Variants in DNAJC8 observed in about 807,000 individuals in gnomAD.
DNAJC8 encodes dnaJ homolog subfamily C member 8.
Under a neutral mutation model 43.2 loss-of-function variants are expected in DNAJC8, and 24 were observed. That is an observed-to-expected ratio of 0.56 (90% CI 0.40 to 0.78). The LOEUF is 0.78. DNAJC8 is among the 30% of genes least tolerant of loss of function. The pLI is 0.00. For synonymous variants in DNAJC8, 83 were observed against 98.0 expected (o/e 0.85, Z 0.90); for missense variants, 207 against 299.4 (o/e 0.69, Z 2.28).
intron 2 of DNAJC8, among the ~76,000 whole-genome samples, chr1:28,218,059 G>C (rs551467877): frequency 6.6e-6 from 1 of 151,200 alleles, no homozygotes; most frequent in Non-Finnish European, 1.5e-5. Flanking sequence ...AATTTTATTA[G>C]AGGCTTTTTT....
chr1:28,226,515 G>C (rs1227037512), intron 2 of DNAJC8, among the ~76,000 whole-genome samples: 1 of 145,826 alleles, frequency 6.9e-6, no homozygotes, highest in Non-Finnish European at 1.5e-5. Context: ...AAAAATTTTA[G>C]AAAGAAATAA....
chr1:28,210,276 A>C (rs1340024254), intron 4 of DNAJC8: 9 of 585,898 alleles, frequency 1.5e-5, no homozygotes, highest in African/African-American at 3.7e-5. Flanking sequence ...TCAAGGCTAA[A>C]TACACTACAT....
chr1:28,209,956 C>G lies in DNAJC8; in HGVS notation c.399+16G>C. ...CTGATACTTCCTGTAAACACAGCAG[C>G]ACTATAAATACTTACAGTGTGTTCC... On this transcript the variant is annotated intron_variant, in intron 5 of 8. Coordinates refer to ENST00000263697, the MANE Select transcript of DNAJC8 (RefSeq NM_014280.3). The G allele has an allele frequency of 6.2e-7, 1 of 1,610,312 alleles. No homozygotes were observed.
At chr1:28,217,087 T>C (rs1293217567) in intron 2 of DNAJC8, among the ~76,000 whole-genome samples, 2 of 151,864 alleles carry the variant, frequency 1.3e-5, no homozygotes, top group Non-Finnish European at 2.9e-5. Context: ...GAATTACAGG[T>C]GTGAGCCACC....
intron 8 of DNAJC8, 125 bp from the exon 9 acceptor site, chr1:28,201,495 T>G: frequency 5.5e-6 from 8 of 1,443,516 alleles, no homozygotes; most frequent in Non-Finnish European, 7.5e-6. Context: ...AACCCAAGAG[T>G]AGAATAGAGC....
intron 2 of DNAJC8, among the ~76,000 whole-genome samples, chr1:28,225,129 C>T (rs1646925516): frequency 6.6e-6 from 1 of 151,052 alleles, no homozygotes; most frequent in African/African-American, 2.4e-5. Flanking sequence ...CTGAGAAAGA[C>T]TTTTTTGGGA....
rs778428016 is a variant in DNAJC8 at position 28,232,978 on chromosome 1, G to A, written c.21C>T (p.Ser7=). The A allele has an allele frequency of 3.7e-6, 6 of 1,612,582 alleles. No individual in the cohort carries two copies. The highest frequency in any genetic ancestry group is 2.2e-5 in the East Asian group (1 of 44,866). Residue 7 remains serine, a synonymous_variant, in exon 1 of 9, where the codon AGC becomes AGT. Transcript: ENST00000263697. The part of the protein sequence containing the change: MAASGE[S]GTSGGGGSTE... Reference sequence around the variant, plus strand: ...TGCTGCCTCCGCCGCCTGAAGTCCCGCTCTCTCCTGAAGCCGCCATTTCCC... The same window carrying A: ...TGCTGCCTCCGCCGCCTGAAGTCCCACTCTCTCCTGAAGCCGCCATTTCCC...
At chr1:28,206,423 G>A (rs1398805536) in intron 6 of DNAJC8, among the ~76,000 whole-genome samples, 1 of 150,724 alleles carries the variant, frequency 6.6e-6, no homozygotes, top group Non-Finnish European at 1.5e-5. Context: ...TTATTAGAAT[G>A]TATAATATCC....
chr1:28,214,861 A>G (rs1557709065), intron 3 of DNAJC8, 79 bp downstream of exon 3: 3 of 1,319,826 alleles, frequency 2.3e-6, no homozygotes, highest in Non-Finnish European at 3.1e-6. Flanking sequence ...AAACATATCA[A>G]GTCAATAATA....
intron 7 of DNAJC8, among the ~76,000 whole-genome samples, chr1:28,204,299 G>A (rs745405643): frequency 6.6e-6 from 1 of 152,140 alleles, no homozygotes; most frequent in African/African-American, 2.4e-5. Context: ...AACAAAACTC[G>A]GCCGGATGTA....
intron 1 of DNAJC8, among the ~76,000 whole-genome samples, chr1:28,231,710 C>A (rs757167932): frequency 1.4e-5 from 2 of 143,856 alleles, no homozygotes; most frequent in African/African-American, 5.9e-5. Context: ...GAGCAAAACT[C>A]CGCCTTAGGA....
intron 1 of DNAJC8, among the ~76,000 whole-genome samples, chr1:28,232,218 C>T (rs1285088851): frequency 1.3e-5 from 2 of 152,156 alleles, no homozygotes; most frequent in Non-Finnish European, 2.9e-5. Context: ...AGATGTGAGC[C>T]ACTGTGCCCA....
intron 3 of DNAJC8, among the ~76,000 whole-genome samples, chr1:28,212,164 AATAAATATAT>A (rs1213456208): frequency 0.036 from 1,095 of 30,546 alleles, 37 homozygotes; most frequent in Non-Finnish European, 0.062. Flanking sequence ...TCAATAAATA[AATAAATATAT>A]ATATATATAT....
chr1:28,226,629 TG>T (rs778854849), intron 2 of DNAJC8, among the ~76,000 whole-genome samples: 5 of 151,288 alleles, frequency 3.3e-5, no homozygotes, highest in African/African-American at 4.9e-5. Context: ...AAAAGTTTCT[TG>T]GGGGGTGACA....
intron 2 of DNAJC8, among the ~76,000 whole-genome samples, chr1:28,221,870 A>T (rs1646900706): frequency 6.6e-6 from 1 of 152,240 alleles, no homozygotes; most frequent in African/African-American, 2.4e-5. Context: ...TGAATAGGCA[A>T]AATGTGGTAT....
intron 2 of DNAJC8, among the ~76,000 whole-genome samples, chr1:28,219,523 TTAAAC>T (rs1646884641): frequency 6.6e-6 from 1 of 152,092 alleles, no homozygotes; most frequent in Non-Finnish European, 1.5e-5. Context: ...AATAAATAAA[TTAAAC>T]TAAAATAGCT....
At chr1:28,212,753 C>T (rs898296678) in intron 3 of DNAJC8, among the ~76,000 whole-genome samples, 1 of 152,144 alleles carries the variant, frequency 6.6e-6, no homozygotes. Context: ...GGGAATCTAA[C>T]GCTCCGTTCA....
intron 2 of DNAJC8, among the ~76,000 whole-genome samples, chr1:28,218,244 T>C (rs1416481028): frequency 2.0e-5 from 3 of 151,752 alleles, no homozygotes; most frequent in South Asian, 4.2e-4. Flanking sequence ...TACAGGCATG[T>C]GCCACCACGC....
chr1:28,225,370 T>C (rs908417196), intron 2 of DNAJC8, among the ~76,000 whole-genome samples: 1 of 151,476 alleles, frequency 6.6e-6, no homozygotes, highest in African/African-American at 2.4e-5. Flanking sequence ...AGATTATTTA[T>C]AAATGAAAAA....
Sources: gnomAD v4.1 joint callset for allele counts (sites outside exome capture counted in the v4.1 genomes callset) on GRCh38, gnomAD v4.1.1 for gene constraint, MANE v1.5 for transcripts, NCBI Gene and HGNC (gene_info 2026-07-23, HGNC 2026-07-21) for gene names.